The following ZFYVE1 variants were observed in gnomAD, a reference collection of about 807,000 sequenced individuals.
ZFYVE1 encodes the protein zinc finger FYVE domain-containing protein 1.
A neutral mutation model predicts 74.4 loss-of-function variants in ZFYVE1; 30 were observed. The observed-to-expected ratio is 0.40, with a 90% CI of 0.30 to 0.55. The LOEUF (loss-of-function observed/expected upper bound fraction) is 0.55. Among genes scored for constraint, ZFYVE1 ranks in the 20% least tolerant of loss-of-function variants. The probability of loss-of-function intolerance (pLI) is 0.42; values close to 1 mark genes in which losing one functional copy is unlikely to be tolerated. For missense variants in ZFYVE1, 703 were observed against 1,011.6 expected (o/e 0.69, Z 4.14); for synonymous variants, 335 against 385.1 (o/e 0.87, Z 1.52).
chr14:72,971,796 C>G (rs1427762494), intron 11 of ZFYVE1, among the ~76,000 whole-genome samples: 7 of 152,164 alleles, frequency 4.6e-5, no homozygotes, highest in African/African-American at 1.7e-4. Flanking sequence ...CTATGAAGCC[C>G]TCCTTGTAAA....
chr14:72,990,745 T>TAG (rs1425802401), intron 4 of ZFYVE1, among the ~76,000 whole-genome samples: 1 of 126,450 alleles, frequency 7.9e-6, no homozygotes, highest in East Asian at 2.7e-4. Flanking sequence ...TTGCCTGGGC[T>TAG]AGAGTACAGT....
intron 2 of ZFYVE1, among the ~76,000 whole-genome samples, chr14:73,019,493 T>C (rs1316448340): frequency 6.6e-6 from 1 of 151,872 alleles, no homozygotes; most frequent in African/African-American, 2.4e-5. Flanking sequence ...AAAAACAAAA[T>C]CAGAACCTAA....
At chr14:72,986,922 C>T (rs1435510337) in intron 4 of ZFYVE1, 1 of 985,182 alleles carries the variant, frequency 1.0e-6, no homozygotes, top group Non-Finnish European at 1.2e-6. Context: ...CTTGGGTTCT[C>T]CTCCTCCTGA....
At chr14:72,996,733 G>A (rs760475184) in intron 3 of ZFYVE1, among the ~76,000 whole-genome samples, 3 of 152,102 alleles carry the variant, frequency 2.0e-5, no homozygotes, top group African/African-American at 4.8e-5. Flanking sequence ...CCACAGCACC[G>A]TACCTGTAAG....
chr14:72,998,240 C>T lies in ZFYVE1; in HGVS notation c.559G>A (p.Gly187Arg). The T allele has an allele frequency of 6.3e-7, 1 of 1,588,746 alleles. No individual in the cohort carries two copies. The highest frequency in any genetic ancestry group is 8.6e-7 in the Non-Finnish European group (1 of 1,166,804). The change falls in exon 3 of 12, where the codon GGA becomes AGA. Residue 187 changes from glycine (G) to arginine (R), a missense_variant. Physicochemically the swap from Gly to Arg is moderately radical, Grantham distance 125. Transcript: ENST00000556143. ...TGAGACTTTCCATCACCAGTATTTCCAAAAATGGAAACCACTTTCAGATGC... is the reference window on the plus strand; with the variant it reads ...TGAGACTTTCCATCACCAGTATTTCTAAAAATGGAAACCACTTTCAGATGC... Reference protein sequence around the residue: ...DQHLKVVSIFGNTGDGKSHTL... With the variant: ...DQHLKVVSIFRNTGDGKSHTL...
At chr14:72,976,073 A>C in intron 8 of ZFYVE1, 1 of 201,446 alleles carries the variant, frequency 5.0e-6, no homozygotes, top group East Asian at 1.3e-4. Context: ...TAAGTACAAT[A>C]TCCATTTAGG....
chr14:73,005,061 C>T, intron 2 of ZFYVE1, among the ~76,000 whole-genome samples: 1 of 151,892 alleles, frequency 6.6e-6, no homozygotes, highest in East Asian at 1.9e-4. Context: ...AACAGATACG[C>T]AGGAAAATGC....
At chr14:72,973,953 G>A in intron 11 of ZFYVE1, 127 bp downstream of exon 11, 1 of 721,368 alleles carries the variant, frequency 1.4e-6, no homozygotes, top group Non-Finnish European at 2.4e-6. Context: ...GTGTGGCATT[G>A]TGTAATTGAT....
chr14:73,006,694 C>A (rs1296755044), intron 2 of ZFYVE1, among the ~76,000 whole-genome samples: 2 of 149,526 alleles, frequency 1.3e-5, no homozygotes, highest in Non-Finnish European at 3.0e-5. Flanking sequence ...ACTCAATGAT[C>A]CCCCACCCCA....
At chr14:73,013,296 C>A (rs1894126214) in intron 2 of ZFYVE1, among the ~76,000 whole-genome samples, 1 of 152,126 alleles carries the variant, frequency 6.6e-6, no homozygotes, top group Non-Finnish European at 1.5e-5. Context: ...TCAATGCTAG[C>A]CAAAAGCCAT....
At chr14:72,986,980 A>G in intron 4 of ZFYVE1, 2 of 985,386 alleles carry the variant, frequency 2.0e-6, no homozygotes, top group Non-Finnish European at 2.4e-6. Context: ...ACCTACCCCA[A>G]GAAAGCTTGG....
At chr14:72,987,089 A>C (rs1893501422) in intron 4 of ZFYVE1, 1 of 404,330 alleles carries the variant, frequency 2.5e-6, no homozygotes, top group Non-Finnish European at 3.3e-6. Context: ...TATTGTATCT[A>C]TAGGGCTGGC....
At chr14:73,010,556 C>T (rs1336551671) in intron 2 of ZFYVE1, among the ~76,000 whole-genome samples, 2 of 151,066 alleles carry the variant, frequency 1.3e-5, no homozygotes, top group East Asian at 3.9e-4. Context: ...GCTGAGATCG[C>T]ACCATTGCAC....
In ZFYVE1 at chr14:72,990,575, T is replaced by C. The variant is rs138028988; in HGVS notation, c.1203+2568A>G. Among the ~76,000 whole-genome samples the C allele has an allele frequency of 3.2e-4, 49 of 151,684 alleles. No homozygotes were observed. In the East Asian group the frequency reaches 8.9e-3, roughly 28 times the overall value. ...CCACGCGCAGCTAATTTCGTATTTTTAGTAGAGACGTGGTTGCTCCATGTT... is the reference window on the plus strand; with the variant it reads ...CCACGCGCAGCTAATTTCGTATTTTCAGTAGAGACGTGGTTGCTCCATGTT... On this transcript the variant is annotated intron_variant, in intron 4 of 11. Transcript: ENST00000556143.
At chr14:73,020,593 C>T (rs1343127783) in intron 2 of ZFYVE1, among the ~76,000 whole-genome samples, 1 of 152,154 alleles carries the variant, frequency 6.6e-6, no homozygotes, top group African/African-American at 2.4e-5. Context: ...ACCTCGTGAT[C>T]CACCTCCCTC....
intron 2 of ZFYVE1, among the ~76,000 whole-genome samples, chr14:73,017,032 A>G (rs990986971): frequency 7.2e-5 from 11 of 151,942 alleles, no homozygotes; most frequent in African/African-American, 2.7e-4. Flanking sequence ...GGCCAGGTAC[A>G]GTAATCCCAG....
Position 72,969,761 on chromosome 14 carries a change from TGAG to T in ZFYVE1, c.*1118_*1120del, listed in dbSNP as rs778196779. 2.8e-6 allele frequency: 2 copies of T among 702,016 alleles called. No individual in the cohort carries two copies. The highest frequency in any genetic ancestry group is 5.2e-6 in the Non-Finnish European group (2 of 384,712). 43.5% of individuals were successfully genotyped at this position (702,016 alleles called of 1,614,324 possible). The stretch of plus-strand genomic sequence containing the variant: ...TGACAGACAGAGATGTCCAGGCTCT[TGAG>T]GAGAAACAAAAGTTCCTTTGACTTC... On this transcript the variant is annotated 3_prime_UTR_variant, in exon 12 of 12. Coordinates refer to ENST00000556143, the MANE Select transcript of ZFYVE1 (RefSeq NM_021260.4).
chr14:73,023,311 G>A (rs1283183887), intron 2 of ZFYVE1, among the ~76,000 whole-genome samples: 1 of 84,870 alleles, frequency 1.2e-5, no homozygotes, highest in East Asian at 2.9e-4. Flanking sequence ...TATTATATAT[G>A]TTTTATATAT....
intron 2 of ZFYVE1, among the ~76,000 whole-genome samples, chr14:73,021,301 T>C (rs1894313046): frequency 1.3e-5 from 2 of 152,014 alleles, no homozygotes; most frequent in African/African-American, 4.8e-5. Context: ...TGAGGCAAGA[T>C]TGTGCCACTG....
Sources: allele counts gnomAD v4.1 joint callset (sites outside exome capture counted in the v4.1 genomes callset), GRCh38; gene constraint gnomAD v4.1.1; transcripts MANE v1.5; gene names NCBI Gene and HGNC (gene_info 2026-07-23, HGNC 2026-07-21).